Variants in GRID2 observed in about 807,000 individuals in gnomAD.
GRID2 encodes glutamate ionotropic receptor delta type subunit 2.
In GRID2, 33 loss-of-function variants were observed where a neutral mutation model predicts 114.8. The ratio of observed to expected loss-of-function variants is 0.29; its 90% CI spans 0.22 to 0.38. The LOEUF (loss-of-function observed/expected upper bound fraction) is 0.38, where lower values mean the gene tolerates loss of function less well. Ranked by LOEUF, GRID2 falls within the 10% of genes least tolerant of loss-of-function variation. GRID2 has a pLI of 1.00. For missense variants in GRID2, 1,184 were observed against 1,257.7 expected (o/e 0.94, Z 0.89); for synonymous variants, 505 against 449.9 (o/e 1.12, Z -1.55).
chr4:92,750,487 G>A (rs891062511), intron 2 of GRID2, among the ~76,000 whole-genome samples: 1 of 95,928 alleles, frequency 1.0e-5, no homozygotes, highest in Non-Finnish European at 2.0e-5. Context: ...TATTCACATA[G>A]ACCAAAGAAA....
intron 1 of GRID2, among the ~76,000 whole-genome samples, chr4:92,308,943 T>C (rs946805100): frequency 6.6e-6 from 1 of 152,094 alleles, no homozygotes; most frequent in Admixed American, 6.6e-5. Context: ...TTCTTCTCTG[T>C]ATCATTAATA....
chr4:92,609,062 C>T lies in GRID2; in HGVS notation c.244+18776C>T, dbSNP rs189497774. On this transcript the variant is annotated intron_variant, in intron 2 of 15. Transcript: ENST00000282020. ...AAAGTACAGTAAGTTATAAAGTTTT[C>T]ATTAGTAAAGATGAAGTGTTAGAGG... Among the ~76,000 whole-genome samples, 79 of 151,776 alleles carry T rather than the reference C, an allele frequency of 5.2e-4. 1 individual carries two copies. The highest frequency in any genetic ancestry group is 1.8e-3 in the African/African-American group (75 of 41,470).
chr4:92,310,279 T>A (rs960100042), intron 1 of GRID2, among the ~76,000 whole-genome samples: 1 of 152,014 alleles, frequency 6.6e-6, no homozygotes, highest in Admixed American at 6.6e-5. Flanking sequence ...ATAAGAATAA[T>A]GGAGGATGAA....
chr4:92,876,018 A>G (rs1301272705), intron 2 of GRID2, among the ~76,000 whole-genome samples: 1 of 152,102 alleles, frequency 6.6e-6, no homozygotes, highest in East Asian at 1.9e-4. Context: ...AATAGCATTC[A>G]CGGTCATACA....
intron 2 of GRID2, among the ~76,000 whole-genome samples, chr4:92,887,845 A>G (rs775160440): frequency 5.3e-5 from 8 of 152,090 alleles, no homozygotes; most frequent in Admixed American, 1.3e-4. Context: ...TGAACTGTGC[A>G]TTTTCAAATT....
chr4:92,344,048 G>C (rs1230565211), intron 1 of GRID2, among the ~76,000 whole-genome samples: 1 of 152,194 alleles, frequency 6.6e-6, no homozygotes, highest in East Asian at 1.9e-4. Context: ...TGCTGTCTCA[G>C]AGGTGGCAGA....
At chr4:93,029,048 ATTAAT>A (rs1409911691) in intron 2 of GRID2, among the ~76,000 whole-genome samples, 1 of 152,126 alleles carries the variant, frequency 6.6e-6, no homozygotes, top group African/African-American at 2.4e-5. Flanking sequence ...ACATTATGTT[ATTAAT>A]CTTCATAAAT....
At chr4:92,601,441 A>G (rs933279403) in intron 2 of GRID2, among the ~76,000 whole-genome samples, 4 of 152,216 alleles carry the variant, frequency 2.6e-5, no homozygotes, top group African/African-American at 9.7e-5. Flanking sequence ...TTTTGGATAA[A>G]TCATGAAATC....
chr4:93,466,426 C>T (rs180986318), intron 11 of GRID2, among the ~76,000 whole-genome samples: 120 of 152,296 alleles, frequency 7.9e-4, no homozygotes, highest in African/African-American at 2.7e-3. Context: ...AGCTCCATGA[C>T]TGCCCCTGTA....
At chr4:93,437,708 C>A (rs939954698) in intron 10 of GRID2, among the ~76,000 whole-genome samples, 1 of 152,124 alleles carries the variant, frequency 6.6e-6, no homozygotes, top group Admixed American at 6.6e-5. Flanking sequence ...TCACTTCCCT[C>A]TTGCATTTAA....
At chr4:92,319,229 A>G (rs1428300791) in intron 1 of GRID2, among the ~76,000 whole-genome samples, 4 of 152,204 alleles carry the variant, frequency 2.6e-5, no homozygotes, top group Non-Finnish European at 5.9e-5. Context: ...TGATTAATCA[A>G]GAATAATTGA....
At chr4:92,397,581 G>A (rs538739724) in intron 1 of GRID2, among the ~76,000 whole-genome samples, 1 of 152,046 alleles carries the variant, frequency 6.6e-6, no homozygotes, top group Non-Finnish European at 1.5e-5. Flanking sequence ...AAAGTGAAAA[G>A]AAATGCTCCT....
At chr4:93,300,336 C>A (rs1754732959) in intron 8 of GRID2, among the ~76,000 whole-genome samples, 1 of 152,130 alleles carries the variant, frequency 6.6e-6, no homozygotes, top group African/African-American at 2.4e-5. Context: ...TATATTAGGG[C>A]TGACCCCATC....
chr4:93,407,732 C>G (rs956447949), intron 9 of GRID2, among the ~76,000 whole-genome samples: 2 of 103,560 alleles, frequency 1.9e-5, no homozygotes, highest in Admixed American at 9.1e-5. Flanking sequence ...TTCTCCTCCT[C>G]CTCCTCCTCC....
chr4:93,673,104 G>A (rs1342146501), intron 14 of GRID2, among the ~76,000 whole-genome samples: 1 of 152,112 alleles, frequency 6.6e-6, no homozygotes, highest in East Asian at 1.9e-4. Context: ...TTGTACAGTT[G>A]GCAGCTGGGC....
At chr4:92,305,236 G>C (rs974792938) in intron 1 of GRID2, among the ~76,000 whole-genome samples, 1 of 152,172 alleles carries the variant, frequency 6.6e-6, no homozygotes, top group Non-Finnish European at 1.5e-5. Flanking sequence ...AGCCGGCTGA[G>C]TTCGCCGCAG....
intron 13 of GRID2, among the ~76,000 whole-genome samples, chr4:93,554,557 T>C (rs1734115753): frequency 6.6e-6 from 1 of 152,146 alleles, no homozygotes; most frequent in African/African-American, 2.4e-5. Context: ...GGTGAAGCCA[T>C]CACCTCAAGC....
chr4:92,785,349 C>T (rs1035759104), intron 2 of GRID2, among the ~76,000 whole-genome samples: 2 of 151,252 alleles, frequency 1.3e-5, no homozygotes, highest in Non-Finnish European at 3.0e-5. Context: ...AGTTTGTTTA[C>T]ATTAATTCTT....
At chr4:92,669,509 G>T (rs1001796695) in intron 2 of GRID2, among the ~76,000 whole-genome samples, 3 of 151,910 alleles carry the variant, frequency 2.0e-5, no homozygotes, top group Non-Finnish European at 4.4e-5. Flanking sequence ...TCTCTGACTT[G>T]CTGGGAAACA....
Sources: allele counts gnomAD v4.1 joint callset (sites outside exome capture counted in the v4.1 genomes callset), GRCh38; gene constraint gnomAD v4.1.1; transcripts MANE v1.5; gene names NCBI Gene and HGNC (gene_info 2026-07-23, HGNC 2026-07-21).